Variants in SEC11A observed in about 807,000 individuals in gnomAD.
SEC11A encodes signal peptidase complex catalytic subunit SEC11A.
A neutral mutation model predicts 25.6 loss-of-function variants in SEC11A; 14 were observed. That is an observed-to-expected ratio of 0.55 (90% CI 0.36 to 0.85). The LOEUF is 0.85. SEC11A is among the 40% of genes least tolerant of loss of function. The probability of loss-of-function intolerance (pLI) is 0.01; values close to 1 mark genes in which losing one functional copy is unlikely to be tolerated. For missense variants in SEC11A, 153 were observed against 222.9 expected, an observed-to-expected ratio of 0.69 and a Z score of 2.00; for synonymous variants, 83 against 76.4, an observed-to-expected ratio of 1.09 and a Z score of -0.45.
At chr15:84,712,541 A>G (rs1270983465) in intron 1 of SEC11A, among the ~76,000 whole-genome samples, 2 of 146,142 alleles carry the variant, frequency 1.4e-5, no homozygotes, top group African/African-American at 5.1e-5. Flanking sequence ...TCTGCCTCCC[A>G]GGTTGAAGCA....
intron 1 of SEC11A, among the ~76,000 whole-genome samples, chr15:84,710,498 G>C (rs1332190364): frequency 6.6e-6 from 1 of 152,030 alleles, no homozygotes; most frequent in East Asian, 1.9e-4. Flanking sequence ...TTAGCCGGGA[G>C]TGGTGGTGCA....
intron 4 of SEC11A, chr15:84,673,018 C>T (rs1567032626): frequency 9.8e-6 from 2 of 203,390 alleles, no homozygotes; most frequent in African/African-American, 2.4e-5. Context: ...TGAGGAGTCC[C>T]TCCGCCCGGC....
chr15:84,713,930 T>C (rs1204780759), intron 1 of SEC11A, among the ~76,000 whole-genome samples: 7 of 152,048 alleles, frequency 4.6e-5, no homozygotes, highest in Non-Finnish European at 8.8e-5. Flanking sequence ...TTCCTACCAC[T>C]GCTAGAACAG....
At chr15:84,715,748 C>G (rs1188690529) in intron 1 of SEC11A, among the ~76,000 whole-genome samples, 1 of 152,222 alleles carries the variant, frequency 6.6e-6, no homozygotes, top group Admixed American at 6.5e-5. Flanking sequence ...ACTTCAAGCG[C>G]GTACGGTTTC....
At chr15:84,679,905 C>T (rs1897240472) in intron 4 of SEC11A, 2 of 1,489,562 alleles carry the variant, frequency 1.3e-6, no homozygotes, top group East Asian at 4.9e-5. Flanking sequence ...GCAACAATGC[C>T]ATACTTCCTT....
chr15:84,699,923 C>T (rs1004561579), intron 1 of SEC11A, among the ~76,000 whole-genome samples: 3 of 151,940 alleles, frequency 2.0e-5, no homozygotes, highest in African/African-American at 4.9e-5. Context: ...GCTCTTATGG[C>T]GTAAGAATAG....
intron 5 of SEC11A, 156 bp downstream of exon 5, chr15:84,670,569 G>T: frequency 9.2e-6 from 4 of 436,334 alleles, no homozygotes; most frequent in Middle Eastern, 6.6e-4. Flanking sequence ...TAATAGAGAC[G>T]GGGTTTCGCT....
chr15:84,675,842 T>C (rs953355468), intron 4 of SEC11A, among the ~76,000 whole-genome samples: 8 of 152,238 alleles, frequency 5.3e-5, no homozygotes, highest in Non-Finnish European at 1.0e-4. Context: ...TTTTATTACA[T>C]GCTACGACAT....
At chr15:84,688,987 G>A (rs565183181) in intron 2 of SEC11A, among the ~76,000 whole-genome samples, 14 of 148,746 alleles carry the variant, frequency 9.4e-5, no homozygotes, top group African/African-American at 1.5e-4. Context: ...CTGAGATTGC[G>A]CCATTGCACT....
intron 1 of SEC11A, among the ~76,000 whole-genome samples, chr15:84,705,026 G>A (rs1193076628): frequency 6.6e-6 from 1 of 151,016 alleles, no homozygotes; most frequent in Non-Finnish European, 1.5e-5. Flanking sequence ...CTGGGCTCAA[G>A]TGATTCTCCC....
chr15:84,711,905 G>C (rs924796409), intron 1 of SEC11A, among the ~76,000 whole-genome samples: 2 of 151,858 alleles, frequency 1.3e-5, no homozygotes, highest in South Asian at 2.1e-4. Context: ...GGTACCCAGA[G>C]ACTAAGAAAG....
intron 1 of SEC11A, among the ~76,000 whole-genome samples, chr15:84,699,369 A>G (rs1377877507): frequency 2.0e-5 from 3 of 151,970 alleles, no homozygotes; most frequent in South Asian, 4.2e-4. Context: ...ATGCTGTTCT[A>G]GCCAAAATGA....
chr15:84,674,512 T>A (rs1311669167), intron 4 of SEC11A, among the ~76,000 whole-genome samples: 1 of 151,796 alleles, frequency 6.6e-6, no homozygotes, highest in Non-Finnish European at 1.5e-5. Flanking sequence ...AATCCTCAGC[T>A]CCCAGCAATC....
intron 3 of SEC11A, among the ~76,000 whole-genome samples, chr15:84,687,286 T>G (rs1192434776): frequency 6.6e-6 from 1 of 152,348 alleles, no homozygotes; most frequent in East Asian, 1.9e-4. Flanking sequence ...AGTACTGGGA[T>G]TGTAGGCGTG....
chr15:84,690,871 A>G (rs1457568155), intron 2 of SEC11A, among the ~76,000 whole-genome samples: 1 of 152,152 alleles, frequency 6.6e-6, no homozygotes, highest in African/African-American at 2.4e-5. Context: ...TAATGAACTA[A>G]CAACTAAATA....
chr15:84,698,782 TCA>T (rs933679983), intron 1 of SEC11A, among the ~76,000 whole-genome samples: 1 of 152,172 alleles, frequency 6.6e-6, no homozygotes, highest in African/African-American at 2.4e-5. Context: ...ACAGATGAAT[TCA>T]GGCTCACTGG....
intron 1 of SEC11A, among the ~76,000 whole-genome samples, chr15:84,699,480 A>C (rs1015780494): frequency 9.9e-5 from 15 of 152,186 alleles, no homozygotes; most frequent in African/African-American, 3.6e-4. Context: ...GACTGTGTTC[A>C]GGTAGTAAGG....
At chr15:84,712,266 C>G (rs1898298279) in intron 1 of SEC11A, among the ~76,000 whole-genome samples, 1 of 151,712 alleles carries the variant, frequency 6.6e-6, no homozygotes, top group East Asian at 1.9e-4. Context: ...TCTAAGAAAC[C>G]CAACATACCT....
chr15:84,701,165 GA>G (rs34721959), intron 1 of SEC11A, among the ~76,000 whole-genome samples: 27,425 of 118,238 alleles, frequency 0.23, 3,255 homozygotes, highest in Middle Eastern at 0.4. Flanking sequence ...AAGCAAATAG[GA>G]AAAAAAAAAA....
Sources: allele counts gnomAD v4.1 joint callset (sites outside exome capture counted in the v4.1 genomes callset), GRCh38; gene constraint gnomAD v4.1.1; transcripts MANE v1.5; gene names NCBI Gene and HGNC (gene_info 2026-07-23, HGNC 2026-07-21).